The following SGCD variants were observed in gnomAD, a reference collection of about 807,000 sequenced individuals.
The protein encoded by SGCD is sarcoglycan delta.
In SGCD, 18 loss-of-function variants were observed where a neutral mutation model predicts 36.6. The ratio of observed to expected loss-of-function variants is 0.49; its 90% CI spans 0.34 to 0.73. SGCD has a LOEUF of 0.73. Among genes scored for constraint, SGCD ranks in the 30% least tolerant of loss-of-function variants. The pLI is 0.01. For synonymous variants in SGCD, 133 were observed against 130.6 expected, an observed-to-expected ratio of 1.02 and a Z score of -0.12; for missense variants, 387 against 346.7, an observed-to-expected ratio of 1.12 and a Z score of -0.92.
the SGCD span, among the ~76,000 whole-genome samples, chr5:155,789,550 A>G: frequency 2.6e-5 from 4 of 152,258 alleles, no homozygotes; most frequent in South Asian, 8.3e-4. Context: ...TGAATACATG[A>G]AAATAATTTG....
chr5:156,687,196 A>G (rs1464849110), intron 7 of SGCD, among the ~76,000 whole-genome samples: 1 of 152,216 alleles, frequency 6.6e-6, no homozygotes, highest in Non-Finnish European at 1.5e-5. Context: ...GAACATAGGG[A>G]CAGAATTACA....
chr5:156,311,048 C>T (rs1288393949), intron 3 of SGCD, among the ~76,000 whole-genome samples: 2 of 152,250 alleles, frequency 1.3e-5, no homozygotes, highest in Middle Eastern at 3.4e-3. Context: ...TTGGAAGAAA[C>T]TTGGTGAGTT....
At chr5:155,860,576 T>A in the SGCD span, among the ~76,000 whole-genome samples, 1 of 152,160 alleles carries the variant, frequency 6.6e-6, no homozygotes, top group Non-Finnish European at 1.5e-5. Context: ...GATTTGCAAA[T>A]GATTAAGGTA....
chr5:156,284,101 C>T (rs1766528411), intron 3 of SGCD, among the ~76,000 whole-genome samples: 1 of 152,116 alleles, frequency 6.6e-6, no homozygotes. Context: ...ATAATTCTTA[C>T]ACCTTCCCAA....
At chr5:156,256,959 AC>A (rs1271504902) in intron 3 of SGCD, among the ~76,000 whole-genome samples, 1 of 152,156 alleles carries the variant, frequency 6.6e-6, no homozygotes, top group African/African-American at 2.4e-5. Context: ...CAGGGTGATC[AC>A]TTGAGCTCAG....
chr5:155,973,438 A>C (rs1004171400), intron 1 of SGCD, among the ~76,000 whole-genome samples: 1 of 152,208 alleles, frequency 6.6e-6, no homozygotes, highest in Admixed American at 6.5e-5. Context: ...AGAAAGTTTC[A>C]TGCTTCTGTT....
chr5:156,427,780 A>G (rs1773740481), intron 3 of SGCD, among the ~76,000 whole-genome samples: 1 of 152,170 alleles, frequency 6.6e-6, no homozygotes, highest in African/African-American at 2.4e-5. Flanking sequence ...CTTTTTCTGC[A>G]TCTGTTGAGA....
chr5:156,165,341 A>C (rs1763187538), intron 3 of SGCD, among the ~76,000 whole-genome samples: 1 of 152,222 alleles, frequency 6.6e-6, no homozygotes, highest in Admixed American at 6.5e-5. Context: ...GTGAAATCAA[A>C]ACTTTTAAAA....
At chr5:156,615,184 C>T (rs191514189) in intron 6 of SGCD, among the ~76,000 whole-genome samples, 2 of 152,302 alleles carry the variant, frequency 1.3e-5, no homozygotes, top group East Asian at 3.9e-4. Flanking sequence ...TAAGAGGCAT[C>T]TTCAGTGACA....
At chr5:156,586,670 T>C (rs1760506507) in intron 4 of SGCD, among the ~76,000 whole-genome samples, 1 of 152,272 alleles carries the variant, frequency 6.6e-6, no homozygotes, top group Non-Finnish European at 1.5e-5. Context: ...GTTCCTCAAA[T>C]GCTTTCAGCT....
At chr5:156,739,033 T>G (rs2113066142) in intron 7 of SGCD, among the ~76,000 whole-genome samples, 1 of 152,278 alleles carries the variant, frequency 6.6e-6, no homozygotes, top group South Asian at 2.1e-4. Flanking sequence ...TGCTAATAAG[T>G]TAGAAGTAAG....
chr5:156,120,579 T>A (rs1262480059), intron 2 of SGCD, among the ~76,000 whole-genome samples: 1 of 152,196 alleles, frequency 6.6e-6, no homozygotes, highest in Non-Finnish European at 1.5e-5. Flanking sequence ...AAACATTTGC[T>A]TTGTAAATGT....
In SGCD at chr5:156,221,828, A is replaced by G. The variant is rs117658162; in HGVS notation, c.-44+97809A>G. Among the ~76,000 whole-genome samples, 5 of 152,170 alleles carry G rather than the reference A, an allele frequency of 3.3e-5. No individual in the cohort carries two copies. The East Asian group carries it at 9.7e-4, about 29-fold the overall frequency. On this transcript the variant is annotated intron_variant, in intron 3 of 9. Coordinates refer to the SGCD transcript ENST00000517913. ...ATAACAAAATTGTGAAATAAATAGT[A>G]TTATTCATACATGAAAACTTAAGTT... is the stretch of plus-strand genomic sequence containing the variant.
intron 3 of SGCD, among the ~76,000 whole-genome samples, chr5:156,419,449 C>T (rs1773200945): frequency 6.6e-6 from 1 of 152,024 alleles, no homozygotes; most frequent in Non-Finnish European, 1.5e-5. Context: ...TTTATTTAGT[C>T]CCTGACATCA....
chr5:156,380,399 C>T (rs1226945737), intron 3 of SGCD, among the ~76,000 whole-genome samples: 4 of 152,204 alleles, frequency 2.6e-5, no homozygotes, highest in African/African-American at 9.6e-5. Context: ...CAACCTTCCT[C>T]CTACAACAGA....
At position 156,344,565 on chromosome 5, in the gene SGCD, T is replaced by C. The variant is rs1167098684; in HGVS notation, c.80T>C (p.Ile27Thr). ...GGGCCACAGGTATACAAGGTGGGGATTTATGGCTGGCGGAAACGATGCCTG... is the reference window on the plus strand; with the variant it reads ...GGGCCACAGGTATACAAGGTGGGGACTTATGGCTGGCGGAAACGATGCCTG... The part of the protein sequence containing the change: ...SVGPQVYKVG[I>T]YGWRKRCLYF... The change falls in exon 3 of 9, where the codon ATT becomes ACT. Residue 27 changes from isoleucine to threonine, a missense_variant. Physicochemically the swap from Ile to Thr is moderately conservative, Grantham distance 89 (BLOSUM62 -1). Transcript: ENST00000337851. The C allele has an allele frequency of 1.9e-6, 3 of 1,612,562 alleles. No individual in the cohort carries two copies. Among genetic ancestry groups the C allele is most frequent in the Non-Finnish European group, 1.7e-6 (2 of 1,179,234 alleles).
intron 1 of SGCD, among the ~76,000 whole-genome samples, chr5:155,991,572 G>A (rs1758432836): frequency 6.6e-6 from 1 of 151,708 alleles, no homozygotes; most frequent in African/African-American, 2.4e-5. Context: ...AAGATTACAA[G>A]TTATGCTAAT....
At chr5:156,349,671 G>A (rs1306027490) in intron 3 of SGCD, among the ~76,000 whole-genome samples, 1 of 152,084 alleles carries the variant, frequency 6.6e-6, no homozygotes, top group Non-Finnish European at 1.5e-5. Flanking sequence ...AATGTCTATA[G>A]AAAACAGTTT....
intron 4 of SGCD, among the ~76,000 whole-genome samples, chr5:156,573,492 C>G (rs1170079875): frequency 6.6e-6 from 1 of 152,184 alleles, no homozygotes; most frequent in Non-Finnish European, 1.5e-5. Context: ...TAGCCTTTCT[C>G]CATTCTCCCC....
Sources: gnomAD v4.1 joint callset for allele counts (sites outside exome capture counted in the v4.1 genomes callset) on GRCh38, gnomAD v4.1.1 for gene constraint, MANE v1.5 for transcripts, NCBI Gene and HGNC (gene_info 2026-07-23, HGNC 2026-07-21) for gene names.